FAM193B: variants seen among roughly 807,000 people sequenced by gnomAD.
The protein encoded by FAM193B is protein FAM193B.
In FAM193B, 27 loss-of-function variants were observed where a neutral mutation model predicts 70.7. That is an observed-to-expected ratio of 0.38 (90% CI 0.28 to 0.53). The LOEUF (loss-of-function observed/expected upper bound fraction) is 0.53, where lower values mean the gene tolerates loss of function less well. Ranked by LOEUF, FAM193B falls within the 20% of genes least tolerant of loss-of-function variation. The pLI is 0.81. For synonymous variants in FAM193B, 448 were observed against 436.0 expected (o/e 1.03, Z -0.34); for missense variants, 1,022 against 1,072.5 (o/e 0.95, Z 0.66).
chr5:177,548,089 T>C (rs1765685106), intron 1 of FAM193B, among the ~76,000 whole-genome samples: 1 of 152,228 alleles, frequency 6.6e-6, no homozygotes, highest in Admixed American at 6.5e-5. Flanking sequence ...TGCTGTTCCT[T>C]CTGCCTTTTT....
intron 3 of FAM193B, 31 bp downstream of exon 3, chr5:177,537,842 G>A (rs756728716): frequency 1.3e-5 from 20 of 1,592,768 alleles, no homozygotes; most frequent in Admixed American, 6.9e-5. Context: ...CATTTATAGG[G>A]CCTGGCTCTC....
chr5:177,536,553 G>C lies in FAM193B; in HGVS notation c.881C>G (p.Pro294Arg), dbSNP rs374110033. 3.2e-6 allele frequency: 5 copies of C among 1,540,648 alleles called. No individual in the cohort carries two copies. The East Asian group carries it at 1.2e-4, about 37-fold the overall frequency. ...APFPAQASEC[P>R]VAAATAPHTP... Reference sequence around the variant, plus strand: ...GTGGGGGGCAGTGGCAGCAGCAACAGGGCACTCTGAAGCCTGGGCAGGGAA... The same window carrying C: ...GTGGGGGGCAGTGGCAGCAGCAACACGGCACTCTGAAGCCTGGGCAGGGAA... The change falls in exon 4 of 9, where the codon CCT (proline) becomes CGT (arginine). Residue 294 changes from proline to arginine, a missense_variant. Transcript: ENST00000514747.
chr5:177,530,121 G>A (rs376232424), intron 5 of FAM193B, among the ~76,000 whole-genome samples: 1 of 152,180 alleles, frequency 6.6e-6, no homozygotes, highest in Admixed American at 6.5e-5. Context: ...GGCAGGTGAA[G>A]AGGTAAAGAA....
Position 177,532,090 on chromosome 5 carries a change from T to C in FAM193B, c.1275+353A>G, listed in dbSNP as rs1378063666. On this transcript the variant is annotated intron_variant, in intron 5 of 8. Coordinates refer to ENST00000514747, the MANE Select transcript of FAM193B (RefSeq NM_001190946.3). This position sits in a 1 kb window ranked among gnomAD's most constrained non-coding sequence, Gnocchi z 4.9. Reference sequence around the variant, plus strand: ...CACACTTGGGGGACTGAGAGCCTTTTTGCTTCCACTCTGCCTTCATCACTC... The same window carrying C: ...CACACTTGGGGGACTGAGAGCCTTTCTGCTTCCACTCTGCCTTCATCACTC... The C allele has an allele frequency of 3.8e-6, 5 of 1,304,320 alleles. No homozygotes were observed. The African/African-American group carries it at 6.0e-5, about 16-fold the overall frequency. 80.8% of individuals were successfully genotyped at this position (1,304,320 alleles called of 1,614,324 possible).
Position 177,538,196 on chromosome 5 carries a change from C to A in FAM193B, c.454-89G>T. Reference sequence around the variant, plus strand: ...GCCTCAGCTTTTCCTGAGGGAGCTCCTTCTCCTCCAGACCATGTGCCATAG... The same window carrying A: ...GCCTCAGCTTTTCCTGAGGGAGCTCATTCTCCTCCAGACCATGTGCCATAG... On this transcript the variant is annotated intron_variant, in intron 2 of 8. Transcript: ENST00000514747. The surrounding 1 kb of genome is among the most constrained non-coding windows in gnomAD (Gnocchi z 4.1). 1 of 1,348,068 alleles carries A rather than the reference C, an allele frequency of 7.4e-7. No homozygotes were observed. Among genetic ancestry groups the A allele is most frequent in the African/African-American group, 1.5e-5 (1 of 68,060 alleles). 83.5% of individuals were successfully genotyped at this position (1,348,068 alleles called of 1,614,324 possible).
rs951633160 is a variant in FAM193B at position 177,523,868 on chromosome 5, T to C, written c.2372+89A>G. The stretch of plus-strand genomic sequence containing the variant: ...GGGGTCAGGGCCAAGGGAGCAGGCC[T>C]TTCTGAGGCTTGAGGCACAACACAG... On this transcript the variant is annotated intron_variant, in intron 7 of 8. Coordinates refer to ENST00000514747, the MANE Select transcript of FAM193B (RefSeq NM_001190946.3). 4.8e-6 allele frequency: 7 copies of C among 1,469,672 alleles called. No individual in the cohort carries two copies. In the African/African-American group the frequency reaches 9.7e-5, roughly 20 times the overall value. 91.0% of individuals were successfully genotyped at this position (1,469,672 alleles called of 1,614,324 possible). A position where few individuals can be genotyped will look rare whatever the true frequency, so the allele number is the denominator to read the frequency against.
At chr5:177,540,293 C>T (rs370404131) in intron 1 of FAM193B, among the ~76,000 whole-genome samples, 5 of 132,626 alleles carry the variant, frequency 3.8e-5, no homozygotes, top group African/African-American at 1.5e-4. Flanking sequence ...GGCGACAGAG[C>T]GAGACTCCGT....
chr5:177,534,366 G>A (rs1294891146), intron 4 of FAM193B, among the ~76,000 whole-genome samples: 2 of 147,030 alleles, frequency 1.4e-5, no homozygotes, highest in Non-Finnish European at 1.5e-5. Context: ...TTGCGACCTC[G>A]GCTCACTGCA....
chr5:177,544,344 AG>A (rs1765176280), intron 1 of FAM193B, among the ~76,000 whole-genome samples: 1 of 152,224 alleles, frequency 6.6e-6, no homozygotes, highest in South Asian at 2.1e-4. Flanking sequence ...GCATTAAGTT[AG>A]GGCATTCTAG....
intron 1 of FAM193B, among the ~76,000 whole-genome samples, chr5:177,547,502 T>C (rs1765605531): frequency 1.3e-5 from 2 of 151,262 alleles, no homozygotes; most frequent in Admixed American, 1.3e-4. Context: ...GCCAGGATGG[T>C]CTCGATCTCC....
chr5:177,539,480 T>C lies in FAM193B; in HGVS notation c.211-333A>G, dbSNP rs538542198. The stretch of plus-strand genomic sequence containing the variant: ...CAAATCTTAAAGGTTAAAGAGAAGA[T>C]GGCCCTTCCCTCTCTGGCATGGCTG... On this transcript the variant is annotated intron_variant, in intron 1 of 8. Coordinates refer to ENST00000514747, the MANE Select transcript of FAM193B (RefSeq NM_001190946.3). 5.7e-5 allele frequency: 14 copies of C among 246,448 alleles called. No individual in the cohort carries two copies. In the South Asian group the frequency reaches 6.2e-4, roughly 11 times the overall value. 15.3% of individuals were successfully genotyped at this position (246,448 alleles called of 1,614,324 possible).
intron 1 of FAM193B, among the ~76,000 whole-genome samples, chr5:177,546,140 C>CAA (rs1765398469): frequency 6.6e-6 from 1 of 152,254 alleles, no homozygotes; most frequent in Non-Finnish European, 1.5e-5. Flanking sequence ...TCAACATTGT[C>CAA]AGAGTCCCTG....
At chr5:177,531,443 C>T (rs772732974) in intron 5 of FAM193B, 2 of 1,363,526 alleles carry the variant, frequency 1.5e-6, no homozygotes, top group Non-Finnish European at 2.0e-6. Flanking sequence ...ATGGGCAGCT[C>T]CTCTTTCCGC....
intron 1 of FAM193B, among the ~76,000 whole-genome samples, chr5:177,544,504 G>A (rs1347968865): frequency 6.6e-6 from 1 of 152,192 alleles, no homozygotes; most frequent in African/African-American, 2.4e-5. Context: ...TGAATAAAAT[G>A]AGCCTGTCAC....
At position 177,525,093 on chromosome 5, in the gene FAM193B, T is replaced by C. The variant is rs1463550733; in HGVS notation, c.1388A>G (p.Glu463Gly). The C allele has an allele frequency of 8.8e-6, 14 of 1,592,200 alleles. No homozygotes were observed. The highest frequency in any genetic ancestry group is 1.2e-5 in the Non-Finnish European group (14 of 1,170,298). ...CAGGAAGCTGTTGACCCGATCCAGT[T>C]CCCGGTCGGGCCACTCCAAGAGCCT... Reference protein sequence around the residue: ...RERLLEWPDRELDRVNSFLSS... With the variant: ...RERLLEWPDRGLDRVNSFLSS... Residue 463 changes from glutamate (E) to glycine (G), a missense_variant, in exon 6 of 9, where the codon GAA becomes GGA. Physicochemically the swap from Glu to Gly is moderately conservative, Grantham distance 98. Coordinates refer to ENST00000514747, the MANE Select transcript of FAM193B (RefSeq NM_001190946.3).
Position 177,554,469 on chromosome 5 carries a change from G to C in FAM193B, c.-11C>G. ...CCGCCTCCGCGTCATGCCGCCGCTCGCGCCGCTCCCTCGCTCCACACGCCG... is the reference window on the plus strand; with the variant it reads ...CCGCCTCCGCGTCATGCCGCCGCTCCCGCCGCTCCCTCGCTCCACACGCCG... On this transcript the variant is annotated 5_prime_UTR_variant, in exon 1 of 9. Coordinates refer to ENST00000514747, the MANE Select transcript of FAM193B (RefSeq NM_001190946.3). The C allele has an allele frequency of 1.1e-6, 1 of 939,556 alleles. No individual in the cohort carries two copies. Among genetic ancestry groups the C allele is most frequent in the Non-Finnish European group, 1.2e-6 (1 of 819,752 alleles). The allele number at this position is 939,556 out of a possible 1,614,324, so 58.2% of individuals were successfully genotyped here. A position where few individuals can be genotyped will look rare whatever the true frequency, so the allele number is the denominator to read the frequency against.
intron 8 of FAM193B, among the ~76,000 whole-genome samples, chr5:177,520,450 A>C (rs1761548262): frequency 6.6e-6 from 1 of 152,232 alleles, no homozygotes; most frequent in African/African-American, 2.4e-5. Context: ...GCTGTCCATC[A>C]GCAGGGGCTG....
At chr5:177,523,276 A>T in intron 7 of FAM193B, 1 of 363,426 alleles carries the variant, frequency 2.8e-6, no homozygotes, top group South Asian at 1.9e-5. Context: ...CTAGGATGAG[A>T]AGCATGAGCC....
Position 177,524,603 on chromosome 5 carries a change from C to T in FAM193B, c.1878G>A (p.Glu626=). 1 of 1,611,874 alleles carries T rather than the reference C, an allele frequency of 6.2e-7. No homozygotes were observed. Among genetic ancestry groups the T allele is most frequent in the Non-Finnish European group, 8.5e-7 (1 of 1,179,082 alleles). The part of the protein sequence containing the change: ...EVPSCKQELP[E]PVSSGGKPQK... Reference sequence around the variant, plus strand: ...GTGGCTTCCCACCTGAGGACACAGGCTCAGGCAGCTCCTGCTTGCAACTGG... The same window carrying T: ...GTGGCTTCCCACCTGAGGACACAGGTTCAGGCAGCTCCTGCTTGCAACTGG... Residue 626 remains glutamate, a synonymous_variant, in exon 6 of 9, where the codon GAG becomes GAA. Coordinates refer to ENST00000514747, the MANE Select transcript of FAM193B (RefSeq NM_001190946.3).
Sources: allele counts gnomAD v4.1 joint callset (sites outside exome capture counted in the v4.1 genomes callset), GRCh38; gene constraint gnomAD v4.1.1; non-coding constraint Gnocchi (gnomAD v3.1); transcripts MANE v1.5; gene names NCBI Gene and HGNC (gene_info 2026-07-23, HGNC 2026-07-21).